Variants in FGF14 observed in about 807,000 individuals in gnomAD.
The protein encoded by FGF14 is fibroblast growth factor 14.
In FGF14, 5 loss-of-function variants were observed where a neutral mutation model predicts 25.5. That is an observed-to-expected ratio of 0.20 (90% CI 0.10 to 0.41). The LOEUF is 0.41. FGF14 is among the 10% of genes least tolerant of loss of function. FGF14 has a pLI of 1.00. For missense variants in FGF14, 222 were observed against 320.1 expected, an observed-to-expected ratio of 0.69 and a Z score of 2.34; for synonymous variants, 138 against 118.3, an observed-to-expected ratio of 1.17 and a Z score of -1.08.
intron 3 of FGF14, among the ~76,000 whole-genome samples, chr13:101,755,704 C>T (rs1046493007): frequency 6.6e-6 from 1 of 152,190 alleles, no homozygotes; most frequent in African/African-American, 2.4e-5. Context: ...TATTTGTCAT[C>T]TGATTAGTCT....
intron 1 of FGF14, among the ~76,000 whole-genome samples, chr13:102,001,445 C>T (rs2039490719): frequency 6.6e-6 from 1 of 152,074 alleles, no homozygotes; most frequent in Non-Finnish European, 1.5e-5. Flanking sequence ...CCTGGGTGCC[C>T]AGAAAATATA....
At chr13:102,097,718 G>A (rs563019438) in intron 1 of FGF14, among the ~76,000 whole-genome samples, 2 of 152,122 alleles carry the variant, frequency 1.3e-5, no homozygotes, top group African/African-American at 2.4e-5. Context: ...TGCCAACCTC[G>A]CCCCCTTCAC....
chr13:102,063,615 CAAAA>C (rs56352155), intron 1 of FGF14, among the ~76,000 whole-genome samples: 1 of 136,734 alleles, frequency 7.3e-6, no homozygotes, highest in African/African-American at 2.7e-5. Flanking sequence ...GACTCTGTCT[CAAAA>C]AAAAAAAAGT....
intron 3 of FGF14, among the ~76,000 whole-genome samples, chr13:101,757,683 C>T (rs955057852): frequency 6.6e-6 from 1 of 152,132 alleles, no homozygotes; most frequent in Non-Finnish European, 1.5e-5. Context: ...AAACCTCACT[C>T]AATTGCCTTG....
At chr13:102,008,340 G>C (rs1566564519) in intron 1 of FGF14, among the ~76,000 whole-genome samples, 1 of 152,138 alleles carries the variant, frequency 6.6e-6, no homozygotes, top group Non-Finnish European at 1.5e-5. Context: ...ACCTCTCCAA[G>C]TCACTCCACC....
intron 1 of FGF14, among the ~76,000 whole-genome samples, chr13:101,902,226 A>G (rs1427954712): frequency 6.6e-6 from 1 of 152,172 alleles, no homozygotes; most frequent in Non-Finnish European, 1.5e-5. Context: ...TCTGGCACCT[A>G]CATTTTAGAG....
rs181813023 is a variant in FGF14 at position 102,037,133 on chromosome 13, A to G, written c.209-161837T>C. Among the ~76,000 whole-genome samples, 58 of 152,092 alleles carry G rather than the reference A, an allele frequency of 3.8e-4. 1 individual carries two copies. The East Asian group carries it at 9.3e-3, about 24-fold the overall frequency. On this transcript the variant is annotated intron_variant, in intron 1 of 4. Transcript: ENST00000376131. ...ATCATGGATTAAAAGAGAGACTATA[A>G]CTCTTAACTAGATTTTATTATGAAG...
At chr13:101,822,563 T>C (rs868684519) in intron 3 of FGF14, among the ~76,000 whole-genome samples, 1 of 152,002 alleles carries the variant, frequency 6.6e-6, no homozygotes, top group African/African-American at 2.4e-5. Flanking sequence ...TTTGAAGAGA[T>C]ATAACATCTT....
At chr13:102,160,209 G>A (rs538752803) in intron 1 of FGF14, among the ~76,000 whole-genome samples, 2 of 152,152 alleles carry the variant, frequency 1.3e-5, no homozygotes, top group South Asian at 2.1e-4. Context: ...TGATGTGGAA[G>A]ACCCTGGTGC....
At position 101,831,191 on chromosome 13, in the gene FGF14, G is replaced by C. The variant is rs187276315; in HGVS notation, c.408+37534C>G. On this transcript the variant is annotated intron_variant, in intron 3 of 4. Transcript: ENST00000376143. Reference sequence around the variant, plus strand: ...TTGAGAATGAAATGAAACATGTCAGGCACTTAGAAAAGTACCAGACGTCTA... The same window carrying C: ...TTGAGAATGAAATGAAACATGTCAGCCACTTAGAAAAGTACCAGACGTCTA... Among the ~76,000 whole-genome samples the C allele has an allele frequency of 3.2e-3, 479 of 151,882 alleles. 1 individual carries two copies. Among genetic ancestry groups the C allele is most frequent in the South Asian group, 9.3e-3 (45 of 4,816 alleles).
chr13:101,869,554 A>C (rs931031781), intron 2 of FGF14, among the ~76,000 whole-genome samples: 3 of 152,178 alleles, frequency 2.0e-5, no homozygotes, highest in Admixed American at 1.3e-4. Flanking sequence ...CTGCATGTTG[A>C]ATGTTTAGTA....
chr13:101,823,209 T>C lies in FGF14; in HGVS notation c.408+45516A>G, dbSNP rs73557458. Among the ~76,000 whole-genome samples, 1,036 of 152,128 alleles carry C rather than the reference T, an allele frequency of 6.8e-3. 12 individuals are homozygous for C. Among genetic ancestry groups the C allele is most frequent in the African/African-American group, 0.024 (985 of 41,526 alleles). ...GTGTGGATTTATGTTTGCATTTCTT[T>C]GGGTAAAAGTCTAGGAGTTGAATTG... On this transcript the variant is annotated intron_variant, in intron 3 of 4. Transcript: ENST00000376143.
At chr13:102,248,108 G>C (rs1247818132) in intron 1 of FGF14, among the ~76,000 whole-genome samples, 1 of 151,908 alleles carries the variant, frequency 6.6e-6, no homozygotes. Context: ...GTGGGAGGAG[G>C]GAGAGGAACA....
At chr13:101,790,551 A>G (rs2040178116) in intron 3 of FGF14, among the ~76,000 whole-genome samples, 1 of 152,044 alleles carries the variant, frequency 6.6e-6, no homozygotes, top group Admixed American at 6.6e-5. Context: ...GCTTTTAACT[A>G]TCTATGTGTG....
Position 102,283,952 on chromosome 13 carries a change from G to A in FGF14, c.208+117519C>T, listed in dbSNP as rs142536462. 7.2e-3 allele frequency among the ~76,000 whole-genome samples: 1,098 copies of A among 152,256 alleles called. 16 individuals carry two copies. The highest frequency in any genetic ancestry group is 0.025 in the African/African-American group (1,050 of 41,536). ...GAATAATGCATATATATGTCAGTAC[G>A]TAGTAGGTAGTCAATCATCGTTGGC... On this transcript the variant is annotated intron_variant, in intron 1 of 4. Transcript: ENST00000376131.
At chr13:102,018,497 C>A (rs1371745729) in intron 1 of FGF14, among the ~76,000 whole-genome samples, 1 of 152,104 alleles carries the variant, frequency 6.6e-6, no homozygotes, top group Non-Finnish European at 1.5e-5. Flanking sequence ...CAACTCCATG[C>A]TTTGCATCTA....
At chr13:102,376,510 C>T (rs1263135528) in intron 1 of FGF14, among the ~76,000 whole-genome samples, 1 of 152,122 alleles carries the variant, frequency 6.6e-6, no homozygotes, top group African/African-American at 2.4e-5. Context: ...TTTCAATTAG[C>T]AGTCAGACAC....
intron 1 of FGF14, among the ~76,000 whole-genome samples, chr13:102,161,622 GAAGAAGAAGA>G: frequency 2.0e-4 from 1 of 5,052 alleles, no homozygotes; most frequent in South Asian, 7.8e-3. Flanking sequence ...AGAAGAAGAA[GAAGAAGAAGA>G]AGAAGAAGAA....
At chr13:102,069,093 A>G (rs964362606) in intron 1 of FGF14, among the ~76,000 whole-genome samples, 5 of 150,768 alleles carry the variant, frequency 3.3e-5, no homozygotes, top group African/African-American at 9.8e-5. Flanking sequence ...TGTCTAGCTC[A>G]GGGATTGTAA....
Sources: allele counts gnomAD v4.1 joint callset (sites outside exome capture counted in the v4.1 genomes callset), GRCh38; gene constraint gnomAD v4.1.1; transcripts MANE v1.5; gene names NCBI Gene and HGNC (gene_info 2026-07-23, HGNC 2026-07-21).